CSMD1: variants seen among roughly 807,000 people sequenced by gnomAD.
CSMD1 encodes the protein CUB and sushi domain-containing protein 1.
Under a neutral mutation model 417.5 loss-of-function variants are expected in CSMD1, and 213 were observed. That is an observed-to-expected ratio of 0.51 (90% CI 0.46 to 0.57). The LOEUF (loss-of-function observed/expected upper bound fraction) is 0.57, where lower values mean the gene tolerates loss of function less well. Among genes scored for constraint, CSMD1 ranks in the 20% least tolerant of loss-of-function variants. CSMD1 has a pLI of 0.00. For missense variants in CSMD1, 6,923 were observed against 4,529.7 expected, an observed-to-expected ratio of 1.53 and a Z score of -15.17; for synonymous variants, 2,862 against 1,736.8, an observed-to-expected ratio of 1.65 and a Z score of -16.11.
intron 10 of CSMD1, among the ~76,000 whole-genome samples, chr8:3,549,729 C>T (rs115128203): frequency 3.3e-3 from 500 of 152,238 alleles, no homozygotes; most frequent in African/African-American, 0.011. Context: ...AAAGTTCCCA[C>T]CAGCAAGAAG....
At chr8:4,285,544 C>T (rs550445497) in intron 3 of CSMD1, among the ~76,000 whole-genome samples, 1 of 152,216 alleles carries the variant, frequency 6.6e-6, no homozygotes, top group Non-Finnish European at 1.5e-5. Flanking sequence ...AGGGCTTTCT[C>T]TCCATGGATG....
rs201698176 is a variant in CSMD1 at position 2,961,203 on chromosome 8, T to C, written c.9640A>G (p.Asn3214Asp). The C allele has an allele frequency of 3.8e-5, 60 of 1,594,586 alleles. No individual in the cohort carries two copies. Among genetic ancestry groups the C allele is most frequent in the East Asian group, 4.5e-5 (2 of 44,404 alleles). The change falls in exon 62 of 70, where the codon AAC becomes GAC. Residue 3214 changes from asparagine (N) to aspartate (D), a missense_variant. Asn to Asp is a conservative substitution (Grantham distance 23). Coordinates refer to ENST00000635120, the MANE Select transcript of CSMD1 (RefSeq NM_033225.6). Reference sequence around the variant, plus strand: ...GGCGTACCAGGGTCTGGGCAGGTGTTATGAGCAGGATCTGAAATTTGTGAT... The same window carrying C: ...GGCGTACCAGGGTCTGGGCAGGTGTCATGAGCAGGATCTGAAATTTGTGAT... ...IQPTCIDPAH[N>D]TCPDPGTPHF... is the part of the protein sequence containing the mutation.
At chr8:4,700,756 C>A (rs773519063) in intron 1 of CSMD1, among the ~76,000 whole-genome samples, 13 of 151,928 alleles carry the variant, frequency 8.6e-5, no homozygotes, top group Non-Finnish European at 1.3e-4. Context: ...ATGCAACTTA[C>A]GCTGCAATAA....
chr8:3,499,413 G>A (rs1796500342), intron 10 of CSMD1, among the ~76,000 whole-genome samples: 1 of 152,112 alleles, frequency 6.6e-6, no homozygotes, highest in African/African-American at 2.4e-5. Flanking sequence ...AGTGGAATGA[G>A]TTTTCTGGCA....
intron 4 of CSMD1, among the ~76,000 whole-genome samples, chr8:3,998,599 G>C (rs1301769231): frequency 6.6e-6 from 1 of 152,132 alleles, no homozygotes; most frequent in Non-Finnish European, 1.5e-5. Context: ...ATTTCAGATA[G>C]CTATTGAGTA....
chr8:3,980,654 G>A (rs572063343), intron 5 of CSMD1, among the ~76,000 whole-genome samples: 63 of 152,224 alleles, frequency 4.1e-4, no homozygotes, highest in Non-Finnish European at 5.0e-4. Context: ...TGTATCAAAT[G>A]AAAATATACA....
chr8:4,864,196 A>T (rs935045742), intron 1 of CSMD1, among the ~76,000 whole-genome samples: 1 of 151,966 alleles, frequency 6.6e-6, no homozygotes, highest in Admixed American at 6.5e-5. Context: ...AGTACAACCA[A>T]AACAGACTGA....
chr8:4,684,106 G>A (rs935998885), intron 1 of CSMD1, among the ~76,000 whole-genome samples: 4 of 152,118 alleles, frequency 2.6e-5, no homozygotes, highest in East Asian at 1.9e-4. Flanking sequence ...AAGTGAAAAA[G>A]CATATTACAT....
chr8:3,887,164 T>C (rs1806623436), intron 5 of CSMD1, among the ~76,000 whole-genome samples: 1 of 152,006 alleles, frequency 6.6e-6, no homozygotes, highest in Non-Finnish European at 1.5e-5. Context: ...GCGTAGAGGG[T>C]ATTCCAGCTG....
chr8:3,522,434 G>A (rs948009421), intron 10 of CSMD1, among the ~76,000 whole-genome samples: 1 of 152,094 alleles, frequency 6.6e-6, no homozygotes, highest in Non-Finnish European at 1.5e-5. Context: ...CAGCAGCTTC[G>A]ATTTCTCCAG....
chr8:4,375,481 T>G (rs1802673484), intron 3 of CSMD1, among the ~76,000 whole-genome samples: 1 of 152,150 alleles, frequency 6.6e-6, no homozygotes, highest in Non-Finnish European at 1.5e-5. Flanking sequence ...CAGTCCATCT[T>G]ATGGAGTCTC....
At chr8:4,072,530 T>C (rs542666958) in intron 3 of CSMD1, among the ~76,000 whole-genome samples, 6 of 152,292 alleles carry the variant, frequency 3.9e-5, no homozygotes, top group African/African-American at 1.4e-4. Flanking sequence ...TAAACAGGAA[T>C]CACATAGTTT....
intron 1 of CSMD1, among the ~76,000 whole-genome samples, chr8:4,789,693 A>G (rs1797591729): frequency 6.6e-6 from 1 of 152,160 alleles, no homozygotes; most frequent in Admixed American, 6.5e-5. Context: ...GAATGTACTT[A>G]TTTATGATCC....
chr8:4,147,104 C>T (rs1196104048), intron 3 of CSMD1, among the ~76,000 whole-genome samples: 2 of 151,858 alleles, frequency 1.3e-5, no homozygotes, highest in Non-Finnish European at 2.9e-5. Flanking sequence ...TGTTTAGAAC[C>T]ATCCCCTCCT....
intron 10 of CSMD1, among the ~76,000 whole-genome samples, chr8:3,523,012 CA>C: frequency 8.8e-6 from 1 of 113,188 alleles, no homozygotes; most frequent in South Asian, 2.7e-4. Context: ...TATATACACA[CA>C]CCCACACACA....
At chr8:4,249,446 A>G (rs1178444483) in intron 3 of CSMD1, among the ~76,000 whole-genome samples, 1 of 152,154 alleles carries the variant, frequency 6.6e-6, no homozygotes, top group Non-Finnish European at 1.5e-5. Context: ...TATAATCACA[A>G]CCATGGAGAC....
intron 5 of CSMD1, among the ~76,000 whole-genome samples, chr8:3,975,195 G>A (rs77956612): frequency 0.024 from 3,589 of 152,186 alleles, 155 homozygotes; most frequent in African/African-American, 0.082. Context: ...ATCCTGTTAC[G>A]ATGTTATTGT....
At chr8:3,985,098 G>C (rs1337384186) in intron 5 of CSMD1, among the ~76,000 whole-genome samples, 2 of 151,924 alleles carry the variant, frequency 1.3e-5, no homozygotes, top group Admixed American at 6.6e-5. Context: ...ACTTAGGGGG[G>C]ACTTGTCATG....
intron 4 of CSMD1, among the ~76,000 whole-genome samples, chr8:4,012,977 C>G (rs1258929058): frequency 6.6e-6 from 1 of 152,152 alleles, no homozygotes; most frequent in Non-Finnish European, 1.5e-5. Flanking sequence ...CCTGTCATCT[C>G]TCAAGTAACA....
Sources: allele counts gnomAD v4.1 joint callset (sites outside exome capture counted in the v4.1 genomes callset), GRCh38; gene constraint gnomAD v4.1.1; transcripts MANE v1.5; gene names NCBI Gene and HGNC (gene_info 2026-07-23, HGNC 2026-07-21).